NRAP: variants seen among roughly 807,000 people sequenced by gnomAD.
The protein encoded by NRAP is nebulin-related-anchoring protein.
NRAP carries 189 observed loss-of-function variants against 225.9 expected under a neutral mutation model. The observed-to-expected ratio is 0.84, with a 90% CI of 0.74 to 0.94. The LOEUF is 0.94. Among genes scored for constraint, NRAP ranks in the 40% least tolerant of loss-of-function variants. NRAP has a pLI of 0.00. For missense variants in NRAP, 2,176 were observed against 2,168.7 expected (o/e 1.00, Z -0.07); for synonymous variants, 769 against 790.7 (o/e 0.97, Z 0.46).
At chr10:113,658,706 T>C (rs61238529) in intron 3 of NRAP, among the ~76,000 whole-genome samples, 25,145 of 151,330 alleles carry the variant, frequency 0.17, 2,255 homozygotes, top group African/African-American at 0.25. Context: ...CACAGTGAAA[T>C]CCCATCTCTA....
chr10:113,643,509 G>A (rs1849328557), intron 11 of NRAP, among the ~76,000 whole-genome samples: 1 of 152,166 alleles, frequency 6.6e-6, no homozygotes, highest in South Asian at 2.1e-4. Flanking sequence ...ATCTTTATAG[G>A]TATACTTCAA....
intron 14 of NRAP, among the ~76,000 whole-genome samples, chr10:113,635,586 C>A (rs1012714385): frequency 6.6e-6 from 1 of 152,170 alleles, no homozygotes; most frequent in Non-Finnish European, 1.5e-5. Context: ...CACCACTATG[C>A]CTGGCTAATT....
chr10:113,663,134 G>T (rs915059812), intron 2 of NRAP, among the ~76,000 whole-genome samples: 1 of 152,174 alleles, frequency 6.6e-6, no homozygotes, highest in Admixed American at 6.5e-5. Flanking sequence ...GGTTATAGTG[G>T]ATATATTTGA....
At chr10:113,621,129 C>T (rs917315422) in intron 24 of NRAP, among the ~76,000 whole-genome samples, 2 of 152,226 alleles carry the variant, frequency 1.3e-5, no homozygotes, top group African/African-American at 2.4e-5. Context: ...CACAAGGCAG[C>T]GGAGGCTTCC....
rs768357074 is a variant in NRAP, at chr10:113,631,859, T to C, written c.1738A>G (p.Asn580Asp). The stretch of plus-strand genomic sequence containing the variant: ...TGAGTTAATGAGAGGAAACGTACAT[T>C]GCTAGCAAGCTCCCCAGAGGCTTTG... ...AAKASGELAS[N>D]IKYKEEYEKT... Residue 580 changes from asparagine (N) to aspartate (D), a missense_variant and splice_region_variant, in exon 17 of 42, where the codon AAT becomes GAT. Around this residue, in one of 3 missense-constraint regions of NRAP, gnomAD observed 1,708 missense variants for 1,695.5 expected, o/e 1.01. Transcript: ENST00000359988. The C allele has an allele frequency of 1.9e-6, 3 of 1,597,754 alleles. No homozygotes were observed. In the African/African-American group the frequency reaches 4.0e-5, roughly 21 times the overall value.
chr10:113,590,897 T>A lies in NRAP; in HGVS notation c.4645-8A>T. On this transcript the variant is annotated splice_polypyrimidine_tract_variant and splice_region_variant and intron_variant, in intron 39 of 41. Transcript: ENST00000359988. ...AGCCTCTTTGTACCGGAACTGCAAG[T>A]CAGAGGAGCAGAGGCAGATCATGGG... 1.2e-6 allele frequency: 2 copies of A among 1,612,328 alleles called. No individual in the cohort carries two copies. Among genetic ancestry groups the A allele is most frequent in the Admixed American group, 1.7e-5 (1 of 59,996 alleles).
Position 113,621,859 on chromosome 10 carries a change from C to T in NRAP, c.2769+10G>A. On this transcript the variant is annotated intron_variant, in intron 24 of 41. Coordinates refer to ENST00000359988, the MANE Select transcript of NRAP (RefSeq NM_198060.4). Reference sequence around the variant, plus strand: ...ACACACACAAGTGCACACACTCACACAGAGCTTACATCACTCTGTAAGCCA... The same window carrying T: ...ACACACACAAGTGCACACACTCACATAGAGCTTACATCACTCTGTAAGCCA... The T allele has an allele frequency of 3.1e-6, 5 of 1,597,914 alleles. No homozygotes were observed. The highest frequency in any genetic ancestry group is 4.3e-6 in the Non-Finnish European group (5 of 1,169,552).
intron 12 of NRAP, 110 bp from the exon 13 acceptor site, chr10:113,641,582 C>A: frequency 9.1e-6 from 6 of 659,614 alleles, no homozygotes; most frequent in Non-Finnish European, 1.3e-5. Flanking sequence ...TAAATATAAC[C>A]CATTTAAATA....
chr10:113,642,919 G>A lies in NRAP; in HGVS notation c.1215+15C>T. 1 of 1,401,592 alleles carries A rather than the reference G, an allele frequency of 7.1e-7. No homozygotes were observed. The highest frequency in any genetic ancestry group is 1.0e-6 in the Non-Finnish European group (1 of 986,048). 86.8% of individuals were successfully genotyped at this position (1,401,592 alleles called of 1,614,324 possible). On this transcript the variant is annotated intron_variant, in intron 12 of 41. Coordinates refer to ENST00000359988, the MANE Select transcript of NRAP (RefSeq NM_198060.4). Reference sequence around the variant, plus strand: ...CCAACAGTGCCCAAACAAAAGCTTAGCGTTAACAACTCACATCACTGGTAA... The same window carrying A: ...CCAACAGTGCCCAAACAAAAGCTTAACGTTAACAACTCACATCACTGGTAA...
chr10:113,603,629 C>G (rs918066025), intron 35 of NRAP, among the ~76,000 whole-genome samples: 2 of 152,180 alleles, frequency 1.3e-5, no homozygotes, highest in Non-Finnish European at 2.9e-5. Flanking sequence ...CGTCCTTACT[C>G]CGCAGAGCCT....
rs762544690 is a variant in NRAP, at chr10:113,605,772, A to C, written c.3905T>G (p.Ile1302Arg). The change falls in exon 34 of 42, where the codon ATA (isoleucine) becomes AGA (arginine). Residue 1302 changes from isoleucine (I) to arginine (R), a missense_variant. By Grantham distance (97) the Ile-to-Arg change is moderately conservative. Coordinates refer to ENST00000359988, the MANE Select transcript of NRAP (RefSeq NM_198060.4). ...PFQAARASGD[I>R]ASDFLYRHDF... ...TATCATTCAACTCACATCACTGGCT[A>C]TATCTCCAGAGGCCCGGGCAGCCTG... The C allele has an allele frequency of 6.2e-7, 1 of 1,608,914 alleles. No homozygotes were observed.
chr10:113,634,708 A>C (rs746747927), intron 14 of NRAP, among the ~76,000 whole-genome samples: 1 of 152,224 alleles, frequency 6.6e-6, no homozygotes, highest in African/African-American at 2.4e-5. Context: ...CTCATTCCCA[A>C]TGAAAATATA....
At chr10:113,650,325 A>C (rs1296881137) in intron 8 of NRAP, 113 bp downstream of exon 8, 6 of 861,172 alleles carry the variant, frequency 7.0e-6, no homozygotes, top group Non-Finnish European at 1.2e-5. Flanking sequence ...ATAAAGGAAA[A>C]CTACTCCCTG....
intron 4 of NRAP, among the ~76,000 whole-genome samples, chr10:113,655,876 T>C (rs1030631705): frequency 2.0e-5 from 3 of 152,146 alleles, no homozygotes; most frequent in Non-Finnish European, 2.9e-5. Context: ...ACAATGCATA[T>C]TGTTTCATGA....
chr10:113,652,812 A>G, intron 6 of NRAP, 123 bp downstream of exon 6: 1 of 682,634 alleles, frequency 1.5e-6, no homozygotes, highest in Non-Finnish European at 2.6e-6. Flanking sequence ...TTTCTCTGTA[A>G]TATGACACTA....
intron 34 of NRAP, 85 bp from the exon 35 acceptor site, chr10:113,605,005 G>A (rs1846866043): frequency 6.8e-7 from 1 of 1,468,316 alleles, no homozygotes; most frequent in South Asian, 1.4e-5. Flanking sequence ...TACACTAGGA[G>A]GTGATGATTA....
Position 113,602,216 on chromosome 10 carries a change from A to AC in NRAP, c.4227+2392_4227+2393insG, listed in dbSNP as rs1352718992. Among the ~76,000 whole-genome samples, 5 of 152,322 alleles carry AC rather than the reference A, an allele frequency of 3.3e-5. 1 individual carries two copies. The South Asian group carries it at 1.0e-3, about 32-fold the overall frequency. On this transcript the variant is annotated intron_variant, in intron 35 of 41. Transcript: ENST00000359988. ...CTGATGGAGAGATGGAGGCCTAGAA[A>AC]GGGAAGTGACTGCTCATGGACACAC...
At position 113,608,623 on chromosome 10, in the gene NRAP, A is replaced by C. The variant is rs1054493543; in HGVS notation, c.3604-111T>G. 3 of 700,144 alleles carry C rather than the reference A, an allele frequency of 4.3e-6. No individual in the cohort carries two copies. In the African/African-American group the frequency reaches 5.3e-5, roughly 12 times the overall value. 43.4% of individuals were successfully genotyped at this position (700,144 alleles called of 1,614,324 possible). A position where few individuals can be genotyped will look rare whatever the true frequency, so the allele number is the denominator to read the frequency against. On this transcript the variant is annotated intron_variant, in intron 31 of 41. Coordinates refer to ENST00000359988, the MANE Select transcript of NRAP (RefSeq NM_198060.4). ...AAAGCCTCGTTTTGCAAAGGCTGCAAGTCTATCACTCCAGAATCCAGATTG... is the reference window on the plus strand; with the variant it reads ...AAAGCCTCGTTTTGCAAAGGCTGCACGTCTATCACTCCAGAATCCAGATTG...
chr10:113,610,983 G>A (rs1189232176), intron 30 of NRAP, among the ~76,000 whole-genome samples: 2 of 152,210 alleles, frequency 1.3e-5, no homozygotes, highest in Non-Finnish European at 2.9e-5. Flanking sequence ...CATGGGTTAA[G>A]AAAGAACTAA....
Sources: gnomAD v4.1 joint callset for allele counts (sites outside exome capture counted in the v4.1 genomes callset) on GRCh38, gnomAD v4.1.1 for gene constraint, gnomAD v4.1.1 regional missense constraint, MANE v1.5 for transcripts, NCBI Gene and HGNC (gene_info 2026-07-23, HGNC 2026-07-21) for gene names.